Variants in G6PD observed in about 807,000 individuals in gnomAD.
G6PD encodes the protein glucose-6-phosphate dehydrogenase, also known as glucose-6-phosphate 1-dehydrogenase.
In G6PD, 2 loss-of-function variants were observed where a neutral mutation model predicts 38.2. That is an observed-to-expected ratio of 0.05 (90% CI 0.02 to 0.16). The LOEUF (loss-of-function observed/expected upper bound fraction) is 0.16. Ranked by LOEUF, G6PD falls within the 10% of genes least tolerant of loss-of-function variation. The pLI is 1.00. For missense variants in G6PD, 310 were observed against 471.6 expected (o/e 0.66, Z 3.17); for synonymous variants, 188 against 196.0 (o/e 0.96, Z 0.34).
At chrX:154,539,063 T>C (rs1557231310) in intron 2 of G6PD, among the ~76,000 whole-genome samples, 1 of 111,717 alleles carries the variant, frequency 9.0e-6, no homozygotes, top group Non-Finnish European at 1.9e-5. Context: ...AAAAGTGCAG[T>C]AAGGCAAGAA....
At chrX:154,533,220 A>C (rs912286263) in intron 8 of G6PD, 92 bp from the exon 9 acceptor site, 1 of 1,015,361 alleles carries the variant, frequency 9.8e-7, no homozygotes, top group African/African-American at 1.9e-5. Context: ...CCCTCAGGGC[A>C]GGAGGAGGCC....
intron 5 of G6PD, 50 bp downstream of exon 5, chrX:154,535,118 T>TGCCTGGGCCA: frequency 8.8e-7 from 1 of 1,140,598 alleles, no homozygotes; most frequent in Non-Finnish European, 1.2e-6. Flanking sequence ...GTGGGAGCAC[T>TGCCTGGGCCA]GCCTGGGCCA....
At chrX:154,542,602 A>C in intron 2 of G6PD, 1 of 775,591 alleles carries the variant, frequency 1.3e-6, no homozygotes, top group South Asian at 3.6e-5. Context: ...GGGAGGAGGA[A>C]GGGACAGAGG....
rs2070378878 is a variant in G6PD at position 154,534,304 on chromosome X, C to T, written c.644+34G>A. ...CAGGTGAGGCTCCTGAGTACCACCC[C>T]CACCCTGGTCCCCCGGCCCAGGCTT... On this transcript the variant is annotated intron_variant, in intron 6 of 12. Transcript: ENST00000393562. 10 of 1,208,248 alleles carry T rather than the reference C, an allele frequency of 8.3e-6. No individual in the cohort carries two copies. The South Asian group carries it at 1.8e-4, about 21-fold the overall frequency.
At position 154,531,688 on chromosome X, in the gene G6PD, G is replaced by T; in HGVS notation, c.*312C>A. ...GCCCCACTCAGGAGTGAGACCCAGT[G>T]GCCAATAAGCTCTGGGACAGACGAA... is the stretch of plus-strand genomic sequence containing the variant. On this transcript the variant is annotated 3_prime_UTR_variant, in exon 13 of 13. Transcript: ENST00000393562. 3.1e-6 allele frequency: 1 copy of T among 324,774 alleles called. No homozygotes were observed. The allele number at this position is 324,774 out of a possible 1,213,427, so 26.8% of individuals were successfully genotyped here.
rs1251666921 is a variant in G6PD at position 154,531,803 on chromosome X, G to A, written c.*197C>T. On this transcript the variant is annotated 3_prime_UTR_variant, in exon 13 of 13. Transcript: ENST00000393562. The stretch of plus-strand genomic sequence containing the variant: ...CTCAGGCAGGGTCTGGAGGGGCCAG[G>A]ATGGTCTCGAGTGCTTGGCAGCTGA... The A allele has an allele frequency of 3.2e-6, 2 of 632,911 alleles. No individual in the cohort carries two copies. Among genetic ancestry groups the A allele is most frequent in the Admixed American group, 3.3e-5 (1 of 29,913 alleles). The allele number at this position is 632,911 out of a possible 1,213,427, so 52.2% of individuals were successfully genotyped here. A position where few individuals can be genotyped will look rare whatever the true frequency, so the allele number is the denominator to read the frequency against.
chrX:154,543,713 GGA>G (rs1460214505), intron 2 of G6PD, among the ~76,000 whole-genome samples: 3 of 109,449 alleles, frequency 2.7e-5, no homozygotes, highest in African/African-American at 1.0e-4. Context: ...TTTTTGAGAT[GGA>G]GTCTCACTCA....
intron 1 of G6PD, 54 bp from the exon 2 acceptor site, chrX:154,546,217 G>A (rs1557233258): frequency 1.0e-5 from 12 of 1,197,259 alleles, no homozygotes; most frequent in Non-Finnish European, 2.3e-6. Context: ...GCATTGAGAA[G>A]TTAGCCCCTT....
chrX:154,546,766 G>T lies in G6PD; in HGVS notation c.-9+23C>A, dbSNP rs782291173. On this transcript the variant is annotated intron_variant, in intron 1 of 12. Coordinates refer to ENST00000393562, the MANE Select transcript of G6PD (RefSeq NM_001360016.2). Reference sequence around the variant, plus strand: ...CGGGACAGTACGCTCCTCCGCCTGCGCGGCGCCCGCCCGGCCGGTTACCTG... The same window carrying T: ...CGGGACAGTACGCTCCTCCGCCTGCTCGGCGCCCGCCCGGCCGGTTACCTG... The T allele has an allele frequency of 1.8e-5, 21 of 1,136,466 alleles. No homozygotes were observed. The African/African-American group carries it at 3.4e-4, about 19-fold the overall frequency. 93.7% of individuals were successfully genotyped at this position (1,136,466 alleles called of 1,213,427 possible).
intron 7 of G6PD, 38 bp from the exon 8 acceptor site, chrX:154,533,707 C>T (rs374489934): frequency 1.4e-5 from 17 of 1,207,713 alleles, no homozygotes; most frequent in African/African-American, 1.2e-4. Flanking sequence ...CTTAGCTCCC[C>T]GCCCTGTTCA....
chrX:154,545,726 T>C (rs1314049040), intron 2 of G6PD: 2 of 264,368 alleles, frequency 7.6e-6, no homozygotes, highest in Non-Finnish European at 1.4e-5. Context: ...TCTCAGCTAC[T>C]TGGGGGGCTG....
intron 2 of G6PD, among the ~76,000 whole-genome samples, chrX:154,539,534 G>A (rs1169075092): frequency 9.0e-6 from 1 of 110,905 alleles, no homozygotes; most frequent in Non-Finnish European, 1.9e-5. Context: ...CAACAATGGA[G>A]CGGAGGGTGG....
intron 2 of G6PD, 182 bp downstream of exon 2, chrX:154,545,854 A>G: frequency 2.0e-6 from 1 of 496,039 alleles, no homozygotes; most frequent in Non-Finnish European, 3.3e-6. Context: ...AAAAAAAAAA[A>G]AAGTCTTGCA....
chrX:154,535,111 G>A, intron 5 of G6PD, 57 bp downstream of exon 5: 1 of 1,090,004 alleles, frequency 9.2e-7, no homozygotes, highest in South Asian at 1.8e-5. Flanking sequence ...TAGAGTGGTG[G>A]GAGCACTGCC....
At position 154,534,193 on chromosome X, in the gene G6PD, T is replaced by C. The variant is rs199810696; in HGVS notation, c.645-33A>G. ...GAGGGGCAAGGTGGAGGAACTGACC[T>C]TGGGCCTCTGTGGTGCAGGGGCCAC... On this transcript the variant is annotated intron_variant, in intron 6 of 12. Coordinates refer to ENST00000393562, the MANE Select transcript of G6PD (RefSeq NM_001360016.2). 40 of 1,209,513 alleles carry C rather than the reference T, an allele frequency of 3.3e-5. 1 individual carries two copies. In the Middle Eastern group the frequency reaches 1.2e-3, roughly 36 times the overall value.
intron 2 of G6PD, among the ~76,000 whole-genome samples, chrX:154,537,358 C>A (rs1449808112): frequency 9.0e-6 from 1 of 111,283 alleles, no homozygotes; most frequent in East Asian, 2.8e-4. Flanking sequence ...TGGCTCAAGC[C>A]TATAATCCCA....
Position 154,532,550 on chromosome X carries a change from CCTT to C in G6PD, c.1287+14_1287+16del. ...CAGGCCGCCCACCCTCCACACTGCTCCTTCTCTGTAGGGCACCTTGTATCTGTT... is the reference window on the plus strand; with the variant it reads ...CAGGCCGCCCACCCTCCACACTGCTCCTCTGTAGGGCACCTTGTATCTGTT... On this transcript the variant is annotated intron_variant, in intron 10 of 12. Transcript: ENST00000393562. 8.3e-7 allele frequency: 1 copy of C among 1,210,897 alleles called. No individual in the cohort carries two copies. Among genetic ancestry groups the C allele is most frequent in the Non-Finnish European group, 1.1e-6 (1 of 894,319 alleles).
chrX:154,531,960 G>A lies in G6PD; in HGVS notation c.*40C>T, dbSNP rs1312116713. The A allele has an allele frequency of 1.7e-6, 2 of 1,191,653 alleles. No homozygotes were observed. Among genetic ancestry groups the A allele is most frequent in the Non-Finnish European group, 2.3e-6 (2 of 886,206 alleles). ...CGACTCGGGGTCGGGCGGCGGGAAG[G>A]AGGGTGGCCGTGGCGGGGGTGGAGG... is the stretch of plus-strand genomic sequence containing the variant. On this transcript the variant is annotated 3_prime_UTR_variant, in exon 13 of 13. Coordinates refer to ENST00000393562, the MANE Select transcript of G6PD (RefSeq NM_001360016.2).
intron 2 of G6PD, 146 bp downstream of exon 2, chrX:154,545,890 C>T (rs1290755026): frequency 2.0e-5 from 14 of 715,498 alleles, no homozygotes; most frequent in Non-Finnish European, 2.3e-5. Context: ...CAGGTAGAGC[C>T]GGGATGATCC....
Sources: allele counts gnomAD v4.1 joint callset (sites outside exome capture counted in the v4.1 genomes callset), GRCh38; gene constraint gnomAD v4.1.1; transcripts MANE v1.5; gene names NCBI Gene and HGNC (gene_info 2026-07-23, HGNC 2026-07-21).